The following CTTNBP2 variants were observed in gnomAD, a reference collection of about 807,000 sequenced individuals.
CTTNBP2 encodes the protein cortactin-binding protein 2.
In CTTNBP2, 108 loss-of-function variants were observed where a neutral mutation model predicts 156.9. The observed-to-expected ratio is 0.69, with a 90% CI of 0.59 to 0.81. The LOEUF is 0.81. Ranked by LOEUF, CTTNBP2 falls within the 30% of genes least tolerant of loss-of-function variation. The pLI, the probability that CTTNBP2 is intolerant of heterozygous loss-of-function variation, is 0.00. For synonymous variants in CTTNBP2, 767 were observed against 751.8 expected (o/e 1.02, Z -0.33); for missense variants, 1,924 against 2,035.4 (o/e 0.95, Z 1.05).
At chr7:117,830,689 C>G (rs895788914) in intron 2 of CTTNBP2, among the ~76,000 whole-genome samples, 1 of 152,202 alleles carries the variant, frequency 6.6e-6, no homozygotes, top group African/African-American at 2.4e-5. Flanking sequence ...TTTTGCAACC[C>G]TGTTTGACTG....
At chr7:117,869,796 GA>G (rs34465093) in intron 1 of CTTNBP2, among the ~76,000 whole-genome samples, 45,676 of 147,854 alleles carry the variant, frequency 0.31, 7,288 homozygotes, top group South Asian at 0.37. Flanking sequence ...TATTTAAGAA[GA>G]AAAAAAAAAG....
rs182645050 is a variant in CTTNBP2 at position 117,752,708 on chromosome 7, T to C, written c.3348+3847A>G. Among the ~76,000 whole-genome samples, 308 of 152,304 alleles carry C rather than the reference T, an allele frequency of 2.0e-3. 1 individual carries two copies. The highest frequency in any genetic ancestry group is 3.6e-3 in the Non-Finnish European group (245 of 68,018). On this transcript the variant is annotated intron_variant, in intron 12 of 22. Coordinates refer to ENST00000160373, the MANE Select transcript of CTTNBP2 (RefSeq NM_033427.3). ...ATGCTTAATCAATAGGCTAATAACC[T>C]AGGCTAATAAACTATGATTACATGC...
At chr7:117,807,075 T>A (rs773009790) in intron 3 of CTTNBP2, among the ~76,000 whole-genome samples, 2 of 152,078 alleles carry the variant, frequency 1.3e-5, no homozygotes, top group Non-Finnish European at 2.9e-5. Flanking sequence ...TCTATCTACA[T>A]GGATCAGGCA....
chr7:117,717,527 C>T (rs1381741459), intron 22 of CTTNBP2, among the ~76,000 whole-genome samples: 2 of 152,092 alleles, frequency 1.3e-5, no homozygotes, highest in Non-Finnish European at 2.9e-5. Flanking sequence ...TTCTAAGTAG[C>T]ATGATGAAAT....
intron 4 of CTTNBP2, among the ~76,000 whole-genome samples, chr7:117,787,601 A>C (rs2116836384): frequency 6.6e-6 from 1 of 152,360 alleles, no homozygotes; most frequent in Admixed American, 6.5e-5. Flanking sequence ...AGTTGCCTGG[A>C]GTGATTTCTG....
chr7:117,865,280 A>G (rs954368192), intron 1 of CTTNBP2, among the ~76,000 whole-genome samples: 2 of 151,942 alleles, frequency 1.3e-5, no homozygotes, highest in Admixed American at 1.3e-4. Context: ...TTCGCAGACT[A>G]AAGTTTACTA....
chr7:117,808,424 G>A (rs915685383), intron 3 of CTTNBP2, among the ~76,000 whole-genome samples: 1 of 152,108 alleles, frequency 6.6e-6, no homozygotes, highest in Admixed American at 6.5e-5. Context: ...CAGTCCATTT[G>A]CCAAATTGAC....
chr7:117,826,948 A>G (rs550885851), intron 2 of CTTNBP2, among the ~76,000 whole-genome samples: 2 of 151,292 alleles, frequency 1.3e-5, no homozygotes, highest in South Asian at 2.1e-4. Context: ...TGCAACCTCC[A>G]TCTCCCAGGT....
At chr7:117,815,642 C>T (rs1800533789) in intron 2 of CTTNBP2, among the ~76,000 whole-genome samples, 1 of 152,092 alleles carries the variant, frequency 6.6e-6, no homozygotes, top group Non-Finnish European at 1.5e-5. Flanking sequence ...ATGCAGGGGC[C>T]AGGTAGCCAA....
Position 117,735,068 on chromosome 7 carries a change from C to T in CTTNBP2, c.3721G>A (p.Glu1241Lys). ...NGLSECYYFH[E>K]NCFLMGTIAK... The stretch of plus-strand genomic sequence containing the variant: ...ATGGTTCCCATCAGAAAGCAGTTCT[C>T]ATGAAAGTAATAACATTCGGACAGT... The change falls in exon 16 of 23, where the codon GAG (glutamate) becomes AAG (lysine). Residue 1241 changes from glutamate (E) to lysine (K), a missense_variant. By Grantham distance (56) the Glu-to-Lys change is moderately conservative. Coordinates refer to ENST00000160373, the MANE Select transcript of CTTNBP2 (RefSeq NM_033427.3). The T allele has an allele frequency of 1.2e-6, 2 of 1,614,012 alleles. No individual in the cohort carries two copies. The highest frequency in any genetic ancestry group is 1.7e-6 in the Non-Finnish European group (2 of 1,179,938).
intron 2 of CTTNBP2, among the ~76,000 whole-genome samples, chr7:117,818,708 T>G (rs1220312977): frequency 6.6e-6 from 1 of 152,052 alleles, no homozygotes; most frequent in African/African-American, 2.4e-5. Context: ...AAAACAAGAC[T>G]GAAGAGGAAG....
chr7:117,756,648 C>G lies in CTTNBP2; in HGVS notation c.3269-14G>C, dbSNP rs763150931. ...CTTCTTGAGGACCTGTAGGAAAGGA[C>G]AGACGAAGAAAAATGGGTGTTCCCT... On this transcript the variant is annotated splice_polypyrimidine_tract_variant and intron_variant, in intron 11 of 22. Transcript: ENST00000160373. 4.5e-6 allele frequency: 7 copies of G among 1,566,522 alleles called. No individual in the cohort carries two copies. In the East Asian group the frequency reaches 1.6e-4, roughly 35 times the overall value.
intron 3 of CTTNBP2, among the ~76,000 whole-genome samples, chr7:117,797,571 G>A (rs1419969002): frequency 1.3e-5 from 2 of 152,076 alleles, no homozygotes; most frequent in African/African-American, 4.8e-5. Context: ...AATAAATGAG[G>A]GGAAGGGGAA....
chr7:117,829,200 C>T (rs1801463839), intron 2 of CTTNBP2, among the ~76,000 whole-genome samples: 1 of 152,186 alleles, frequency 6.6e-6, no homozygotes, highest in Non-Finnish European at 1.5e-5. Flanking sequence ...GAATTTGCTG[C>T]AGGAAGGAGG....
chr7:117,749,564 C>T (rs1202896396), intron 12 of CTTNBP2, among the ~76,000 whole-genome samples: 2 of 152,262 alleles, frequency 1.3e-5, no homozygotes, highest in East Asian at 3.9e-4. Context: ...AACTTTTTGT[C>T]CAGGTATTTC....
In CTTNBP2 at chr7:117,745,383, A is replaced by G. The variant is rs138993812; in HGVS notation, c.3535+448T>C. On this transcript the variant is annotated intron_variant, in intron 14 of 22. Coordinates refer to ENST00000160373, the MANE Select transcript of CTTNBP2 (RefSeq NM_033427.3). ...GTCAATGGCATAGCAAGAGTGAGGT[A>G]GAGAAAGTGGTTGGCCCCAGGTGCA... is the stretch of plus-strand genomic sequence containing the variant. Among the ~76,000 whole-genome samples, 15 of 152,304 alleles carry G rather than the reference A, an allele frequency of 9.8e-5. No homozygotes were observed. In the East Asian group the frequency reaches 2.7e-3, roughly 27 times the overall value.
chr7:117,867,246 C>T (rs982220894), intron 1 of CTTNBP2, among the ~76,000 whole-genome samples: 1 of 152,140 alleles, frequency 6.6e-6, no homozygotes, highest in Non-Finnish European at 1.5e-5. Flanking sequence ...ACCTCTGATG[C>T]TGCTCTTCCT....
intron 4 of CTTNBP2, among the ~76,000 whole-genome samples, chr7:117,789,753 C>T (rs1798890409): frequency 6.6e-6 from 1 of 152,112 alleles, no homozygotes; most frequent in Admixed American, 6.5e-5. Flanking sequence ...ACCAAGCTGA[C>T]AGGTTATAGG....
intron 3 of CTTNBP2, among the ~76,000 whole-genome samples, chr7:117,795,163 T>A (rs1028205422): frequency 4.0e-5 from 1 of 25,206 alleles, no homozygotes; most frequent in African/African-American, 1.7e-4. Flanking sequence ...CCCAAAGTGC[T>A]GGGATTACAG....
Sources: gnomAD v4.1 joint callset for allele counts (sites outside exome capture counted in the v4.1 genomes callset) on GRCh38, gnomAD v4.1.1 for gene constraint, MANE v1.5 for transcripts, NCBI Gene and HGNC (gene_info 2026-07-23, HGNC 2026-07-21) for gene names.